The following ACAP3 variants were observed in gnomAD, a reference collection of about 807,000 sequenced individuals.
ACAP3 encodes the protein ArfGAP with coiled-coil, ankyrin repeat and PH domains 3, also known as arf-GAP with coiled-coil, ANK repeat and PH domain-containing protein 3.
Under a neutral mutation model 104.1 loss-of-function variants are expected in ACAP3, and 56 were observed. That is an observed-to-expected ratio of 0.54 (90% CI 0.43 to 0.67). The LOEUF (loss-of-function observed/expected upper bound fraction) is 0.67, where lower values mean the gene tolerates loss of function less well. Ranked by LOEUF, ACAP3 falls within the 30% of genes least tolerant of loss-of-function variation. The probability of loss-of-function intolerance (pLI) is 0.00; values close to 1 mark genes in which losing one functional copy is unlikely to be tolerated. For synonymous variants in ACAP3, 628 were observed against 496.2 expected (o/e 1.27, Z -3.53); for missense variants, 1,208 against 1,174.9 (o/e 1.03, Z -0.41).
Position 1,293,240 on chromosome 1 carries a change from G to A in ACAP3, c.*324C>T, listed in dbSNP as rs923840225. 69 of 192,504 alleles carry A rather than the reference G, an allele frequency of 3.6e-4. No homozygotes were observed. In the Admixed American group the frequency reaches 3.7e-3, roughly 10 times the overall value. 11.9% of individuals were successfully genotyped at this position (192,504 alleles called of 1,614,324 possible). On this transcript the variant is annotated 3_prime_UTR_variant, in exon 24 of 24. Coordinates refer to ENST00000354700, the MANE Select transcript of ACAP3 (RefSeq NM_030649.3). ...CAGGCCCTGAGGACACAGGGACACA[G>A]GTGACACGGGCCTTAAAAGTGGCTT... is the stretch of plus-strand genomic sequence containing the variant.
Position 1,292,530 on chromosome 1 carries a change from AAG to A in ACAP3, c.*1032_*1033del, listed in dbSNP as rs1417351375. ...TTCTTCAGGGTCACAGGCAGCAGGC[AAG>A]AGAGTTGGGGGGCCGGGTCCAGCGC... On this transcript the variant is annotated 3_prime_UTR_variant, in exon 24 of 24. Transcript: ENST00000354700. 2 of 152,544 alleles carry A rather than the reference AAG, an allele frequency of 1.3e-5. No homozygotes were observed. The highest frequency in any genetic ancestry group is 2.4e-5 in the African/African-American group (1 of 41,478). The allele number at this position is 152,544 out of a possible 1,614,324, so 9.4% of individuals were successfully genotyped here.
At position 1,294,163 on chromosome 1, in the gene ACAP3, C is replaced by A; in HGVS notation, c.2176G>T (p.Gly726Ter). 6.3e-7 allele frequency: 1 copy of A among 1,597,140 alleles called. No homozygotes were observed. The highest frequency in any genetic ancestry group is 2.3e-5 in the East Asian group (1 of 44,238). Reference protein sequence around the residue: ...LIVCEFLLQNGADVNQRDSRG... With the variant: ...LIVCEFLLQN ...CTGTCTCTTTGGTTCACGTCCGCTC[C>A]GTTTTGCAGCAGGAACTCACAGACG... The change falls in exon 22 of 24, where the codon GGA (glycine) becomes TGA (stop). Residue 726 changes from glycine (G) to a stop codon, truncating the protein, a stop_gained. Transcript: ENST00000354700. LOFTEE classifies it high-confidence loss of function.
Position 1,293,806 on chromosome 1 carries a change from G to T in ACAP3, c.2360+17C>A. 1 of 836,668 alleles carries T rather than the reference G, an allele frequency of 1.2e-6. No individual in the cohort carries two copies. The highest frequency in any genetic ancestry group is 1.5e-5 in the South Asian group (1 of 67,072). The allele number at this position is 836,668 out of a possible 1,614,324, so 51.8% of individuals were successfully genotyped here. A position where few individuals can be genotyped will look rare whatever the true frequency, so the allele number is the denominator to read the frequency against. ...CCTGGAGGCCCCGCCCAGCCCCGAG[G>T]GCCCGGCCGCGCTCACAGTGTCACG... On this transcript the variant is annotated intron_variant, in intron 23 of 23. Coordinates refer to ENST00000354700, the MANE Select transcript of ACAP3 (RefSeq NM_030649.3).
At chr1:1,305,389 T>C (rs1033116209) in intron 1 of ACAP3, 5 of 152,630 alleles carry the variant, frequency 3.3e-5, no homozygotes, top group African/African-American at 7.2e-5. Flanking sequence ...GAAGGGACCA[T>C]CCTCCCAGGA....
At chr1:1,306,481 G>T (rs1326233264) in intron 1 of ACAP3, among the ~76,000 whole-genome samples, 1 of 152,152 alleles carries the variant, frequency 6.6e-6, no homozygotes, top group Non-Finnish European at 1.5e-5. Context: ...AACAGAAGAT[G>T]GGAGAGCAGA....
intron 1 of ACAP3, among the ~76,000 whole-genome samples, chr1:1,306,661 C>T (rs989029713): frequency 2.0e-5 from 3 of 152,214 alleles, no homozygotes; most frequent in Non-Finnish European, 2.9e-5. Context: ...ACCCAGCGCG[C>T]GCGTGCACAC....
rs950849618 is a variant in ACAP3, at chr1:1,293,705, G to A, written c.2364C>T (p.Leu788=). 1.1e-5 allele frequency: 15 copies of A among 1,307,464 alleles called. No homozygotes were observed. Among genetic ancestry groups the A allele is most frequent in the Non-Finnish European group, 1.5e-5 (15 of 1,027,960 alleles). 81.0% of individuals were successfully genotyped at this position (1,307,464 alleles called of 1,614,324 possible). The change falls in exon 24 of 24, where the codon CTC becomes CTT. Residue 788 remains leucine, a synonymous_variant. Transcript: ENST00000354700. Reference sequence around the variant, plus strand: ...TTTCCTCCGCCATGCGCGCCAGACGGAGCCTACGGGGAGGCACAGCGTGAG... The same window carrying A: ...TTTCCTCCGCCATGCGCGCCAGACGAAGCCTACGGGGAGGCACAGCGTGAG... ...QAANADIVTL[L]RLARMAEEMR...
intron 9 of ACAP3, 149 bp downstream of exon 9, chr1:1,299,682 G>A: frequency 1.0e-6 from 1 of 971,404 alleles, no homozygotes; most frequent in Non-Finnish European, 1.5e-6. Flanking sequence ...ACATCAAAGG[G>A]AGCAGCCTTG....
chr1:1,307,801 G>A lies in ACAP3; in HGVS notation c.15C>T (p.Phe5=), dbSNP rs1342671622. The A allele has an allele frequency of 9.3e-7, 1 of 1,076,852 alleles. No individual in the cohort carries two copies. Among genetic ancestry groups the A allele is most frequent in the East Asian group, 6.5e-5 (1 of 15,376 alleles). 66.7% of individuals were successfully genotyped at this position (1,076,852 alleles called of 1,614,324 possible). Residue 5 remains phenylalanine, a synonymous_variant, in exon 1 of 24, where the codon TTC becomes TTT. Coordinates refer to ENST00000354700, the MANE Select transcript of ACAP3 (RefSeq NM_030649.3). ...GCGGGGAGTCCTTGACGCACTCCTCGAACTCCACGGTCATGGCTGCGGCGG... is the reference window on the plus strand; with the variant it reads ...GCGGGGAGTCCTTGACGCACTCCTCAAACTCCACGGTCATGGCTGCGGCGG... The part of the protein sequence containing the change: MTVE[F]EECVKDSPRF...
At chr1:1,298,721 G>A (rs748136126) in intron 10 of ACAP3, 42 bp from the exon 11 acceptor site, 44 of 1,493,452 alleles carry the variant, frequency 2.9e-5, no homozygotes, top group Non-Finnish European at 3.8e-5. Context: ...CACCCCAGGG[G>A]CCCTGCTACC....
rs1432430593 is a variant in ACAP3 at position 1,294,705 on chromosome 1, A to C, written c.1912+13T>G. The C allele has an allele frequency of 1.5e-5, 23 of 1,548,934 alleles. No individual in the cohort carries two copies. The highest frequency in any genetic ancestry group is 1.8e-5 in the Non-Finnish European group (21 of 1,146,276). On this transcript the variant is annotated intron_variant, in intron 20 of 23. Coordinates refer to ENST00000354700, the MANE Select transcript of ACAP3 (RefSeq NM_030649.3). ...TGGGCAGGGGCCTCGGGCGAGGGCA[A>C]GACGCCACCCACCCTCCTCAGTGAC...
In ACAP3 at chr1:1,307,873, C is replaced by T; in HGVS notation, c.-58G>A. The T allele has an allele frequency of 1.0e-6, 1 of 966,044 alleles. No individual in the cohort carries two copies. The highest frequency in any genetic ancestry group is 1.2e-6 in the Non-Finnish European group (1 of 810,268). The allele number at this position is 966,044 out of a possible 1,614,324, so 59.8% of individuals were successfully genotyped here. A position where few individuals can be genotyped will look rare whatever the true frequency, so the allele number is the denominator to read the frequency against. On this transcript the variant is annotated 5_prime_UTR_variant, in exon 1 of 24. Transcript: ENST00000354700. The stretch of plus-strand genomic sequence containing the variant: ...GGACCGCGGCGCCGAGCGGCAGCCG[C>T]GCCGGCCCGGACCGCTCGTCCCGCC...
At chr1:1,300,365 G>T in intron 6 of ACAP3, 144 bp downstream of exon 6, 1 of 1,217,500 alleles carries the variant, frequency 8.2e-7, no homozygotes, top group Non-Finnish European at 1.1e-6. Flanking sequence ...GTCCTGGACT[G>T]CTTCCCCATG....
Position 1,302,102 on chromosome 1 carries a change from G to A in ACAP3, c.280-56C>T, listed in dbSNP as rs1016684349. The A allele has an allele frequency of 1.2e-5, 17 of 1,390,386 alleles. No individual in the cohort carries two copies. The Admixed American group carries it at 2.3e-4, about 19-fold the overall frequency. 86.1% of individuals were successfully genotyped at this position (1,390,386 alleles called of 1,614,324 possible). On this transcript the variant is annotated intron_variant, in intron 4 of 23. Transcript: ENST00000354700. ...GGTCTGTCCCGAAAGAGCCCCAGAT[G>A]GAAGGCCCCATCCTCACCAGCAGAG...
intron 4 of ACAP3, 121 bp downstream of exon 4, chr1:1,302,801 C>CA (rs1233212778): frequency 9.2e-5 from 29 of 315,506 alleles, no homozygotes; most frequent in Admixed American, 3.5e-4. Flanking sequence ...GGATTCCCCC[C>CA]CCCCCCGACT....
chr1:1,304,197 G>C (rs1641580464), intron 1 of ACAP3, 54 bp from the exon 2 acceptor site: 4 of 1,546,430 alleles, frequency 2.6e-6, no homozygotes, highest in Non-Finnish European at 3.5e-6. Context: ...CCCCCTCGGG[G>C]CTTCACCTCC....
At chr1:1,306,467 C>G (rs892952964) in intron 1 of ACAP3, among the ~76,000 whole-genome samples, 1 of 152,186 alleles carries the variant, frequency 6.6e-6, no homozygotes, top group Admixed American at 6.5e-5. Flanking sequence ...TTTCCCAGGT[C>G]AGCAACAGAA....
At chr1:1,307,545 G>A (rs1641791907) in intron 1 of ACAP3, among the ~76,000 whole-genome samples, 1 of 152,212 alleles carries the variant, frequency 6.6e-6, no homozygotes, top group Admixed American at 6.5e-5. Context: ...CTGCCCACGC[G>A]CACGCCCTCC....
rs1641401676 is a variant in ACAP3, at chr1:1,300,596, G to A, written c.435C>T (p.His145=). The A allele has an allele frequency of 6.2e-7, 1 of 1,610,208 alleles. No homozygotes were observed. Among genetic ancestry groups the A allele is most frequent in the African/African-American group, 1.3e-5 (1 of 74,840 alleles). The part of the protein sequence containing the change: ...SLVRNAQAPR[H]RPHEVEEATG... Reference sequence around the variant, plus strand: ...TGGCTTCCTCCACCTCGTGGGGCCGGTGCCTCGGGGCCTGGGCGTTCCTCA... The same window carrying A: ...TGGCTTCCTCCACCTCGTGGGGCCGATGCCTCGGGGCCTGGGCGTTCCTCA... Residue 145 remains histidine, a synonymous_variant, in exon 6 of 24, where the codon CAC becomes CAT. Transcript: ENST00000354700.
Sources: allele counts gnomAD v4.1 joint callset (sites outside exome capture counted in the v4.1 genomes callset), GRCh38; gene constraint gnomAD v4.1.1; transcripts MANE v1.5; gene names NCBI Gene and HGNC (gene_info 2026-07-23, HGNC 2026-07-21).